Variants in NIBAN2 observed in about 807,000 individuals in gnomAD.
NIBAN2 encodes the protein protein Niban 2.
A neutral mutation model predicts 81.8 loss-of-function variants in NIBAN2; 36 were observed. The observed-to-expected ratio is 0.44, with a 90% CI of 0.34 to 0.58. The LOEUF (loss-of-function observed/expected upper bound fraction) is 0.58. Ranked by LOEUF, NIBAN2 falls within the 20% of genes least tolerant of loss-of-function variation. The pLI is 0.02. For missense variants in NIBAN2, 897 were observed against 1,014.1 expected (o/e 0.88, Z 1.57); for synonymous variants, 445 against 441.6 (o/e 1.01, Z -0.10).
intron 1 of NIBAN2, among the ~76,000 whole-genome samples, chr9:127,549,392 C>T (rs2256953): frequency 0.66 from 100,205 of 151,752 alleles, 34,179 homozygotes; most frequent in East Asian, 0.93. Flanking sequence ...CACATGCACG[C>T]ACACACACTC....
intron 1 of NIBAN2, among the ~76,000 whole-genome samples, chr9:127,576,226 A>G (rs911031770): frequency 1.3e-5 from 2 of 152,090 alleles, no homozygotes; most frequent in Non-Finnish European, 2.9e-5. Flanking sequence ...AGGTTTGTTC[A>G]TAGACCTATA....
chr9:127,574,515 T>G (rs1040468017), intron 1 of NIBAN2, among the ~76,000 whole-genome samples: 2 of 152,058 alleles, frequency 1.3e-5, no homozygotes, highest in Non-Finnish European at 2.9e-5. Context: ...CCCAAGAGCA[T>G]TCCGCAGGAG....
intron 1 of NIBAN2, among the ~76,000 whole-genome samples, chr9:127,546,649 C>T (rs2132215000): frequency 6.6e-6 from 1 of 152,292 alleles, no homozygotes; most frequent in Middle Eastern, 3.4e-3. Context: ...CTCCATCAGC[C>T]AGCGCGGGCC....
chr9:127,520,922 C>CA (rs951559741), intron 5 of NIBAN2, among the ~76,000 whole-genome samples: 37 of 152,124 alleles, frequency 2.4e-4, no homozygotes, highest in African/African-American at 8.7e-4. Context: ...AAGAAAAGTA[C>CA]ATTTCTTCTT....
chr9:127,515,672 A>G (rs2132162602), intron 8 of NIBAN2, among the ~76,000 whole-genome samples: 1 of 151,986 alleles, frequency 6.6e-6, no homozygotes, highest in South Asian at 2.1e-4. Context: ...CCCTGTCTCT[A>G]CTAAAAATAC....
In NIBAN2 at chr9:127,575,336, C is replaced by A. The variant is rs191700024; in HGVS notation, c.16+3586G>T. On this transcript the variant is annotated intron_variant, in intron 1 of 13. Transcript: ENST00000373314. ...CTCAGCCTCCTGGGTTCAAGCAATT[C>A]TCTGCCTCAGACTCTCAAGTAGCTG... Among the ~76,000 whole-genome samples, 572 of 150,308 alleles carry A rather than the reference C, an allele frequency of 3.8e-3. 3 individuals carry two copies. The highest frequency in any genetic ancestry group is 6.0e-3 in the Non-Finnish European group (405 of 67,860).
chr9:127,509,074 C>T lies in NIBAN2; in HGVS notation c.1219G>A (p.Glu407Lys). The T allele has an allele frequency of 6.2e-7, 1 of 1,613,614 alleles. No individual in the cohort carries two copies. The highest frequency in any genetic ancestry group is 8.5e-7 in the Non-Finnish European group (1 of 1,179,922). The change falls in exon 10 of 14, where the codon GAG (glutamate) becomes AAG (lysine). Residue 407 changes from glutamate (E) to lysine (K), a missense_variant. Physicochemically the swap from Glu to Lys is moderately conservative, Grantham distance 56. This residue lies in a region of NIBAN2 where 619 missense variants were observed against 691.0 expected (regional missense o/e 0.90). Coordinates refer to ENST00000373312, the MANE Select transcript of NIBAN2 (RefSeq NM_022833.4). Reference protein sequence around the residue: ...YHPLKMQSCYEKMESLRLDGL... With the variant: ...YHPLKMQSCYKKMESLRLDGL... ...TCCAGTCGCAGCGACTCCATCTTCT[C>T]ATAGCAGCTCTGCATCTTCAGGGGG...
chr9:127,562,936 G>A (rs754074939), intron 1 of NIBAN2, among the ~76,000 whole-genome samples: 3 of 152,192 alleles, frequency 2.0e-5, no homozygotes, highest in Non-Finnish European at 4.4e-5. Context: ...AAAGAAGCAA[G>A]ACACAAACTT....
chr9:127,543,726 G>A (rs1182855700), intron 1 of NIBAN2, among the ~76,000 whole-genome samples: 2 of 152,084 alleles, frequency 1.3e-5, no homozygotes, highest in African/African-American at 2.4e-5. Flanking sequence ...TGGCTGGACC[G>A]CCCTTCCCTT....
rs1798843384 is a variant in NIBAN2 at position 127,527,189 on chromosome 9, C to T, written c.315+5G>A. On this transcript the variant is annotated splice_donor_5th_base_variant and intron_variant, in intron 3 of 13. Transcript: ENST00000373312. ...CTCAGTGTGGCGCCCGGGGCCAGGC[C>T]TCACCGCTTTGTTTTCGTAGAGCAC... 6.2e-7 allele frequency: 1 copy of T among 1,612,864 alleles called. No individual in the cohort carries two copies. The highest frequency in any genetic ancestry group is 1.3e-5 in the African/African-American group (1 of 75,010).
chr9:127,564,774 G>A (rs1837829758), intron 1 of NIBAN2, among the ~76,000 whole-genome samples: 1 of 151,782 alleles, frequency 6.6e-6, no homozygotes, highest in Non-Finnish European at 1.5e-5. Flanking sequence ...TCAGGAGGCT[G>A]AGGCAGGAGA....
At chr9:127,561,866 T>G (rs971809435) in intron 1 of NIBAN2, among the ~76,000 whole-genome samples, 2 of 152,260 alleles carry the variant, frequency 1.3e-5, no homozygotes, top group Non-Finnish European at 2.9e-5. Flanking sequence ...AACCTAGGCA[T>G]CTGCCCGGAC....
chr9:127,534,313 G>C (rs1402410162), intron 1 of NIBAN2, among the ~76,000 whole-genome samples: 3 of 152,210 alleles, frequency 2.0e-5, no homozygotes, highest in Non-Finnish European at 1.5e-5. Flanking sequence ...AGGGCACCTG[G>C]CTAGGATGAC....
At chr9:127,555,979 C>A (rs1294473043) in intron 1 of NIBAN2, among the ~76,000 whole-genome samples, 1 of 152,022 alleles carries the variant, frequency 6.6e-6, no homozygotes, top group Non-Finnish European at 1.5e-5. Context: ...AAGCCTGACA[C>A]ACATGGGGTC....
rs1836838439 is a variant in NIBAN2 at position 127,516,838 on chromosome 9, C to CACGGG, written c.973+14_973+18dup. On this transcript the variant is annotated intron_variant, in intron 8 of 13. Coordinates refer to ENST00000373312, the MANE Select transcript of NIBAN2 (RefSeq NM_022833.4). ...CTTGGCCCCTGGAGGGCCCGTCGAGCACGGGGGTGGCTGCCTACCTCGGAT... is the reference window on the plus strand; with the variant it reads ...CTTGGCCCCTGGAGGGCCCGTCGAGCACGGGACGGGGGTGGCTGCCTACCTCGGAT... 2 of 1,604,186 alleles carry CACGGG rather than the reference C, an allele frequency of 1.2e-6. No homozygotes were observed. The highest frequency in any genetic ancestry group is 1.7e-6 in the Non-Finnish European group (2 of 1,171,826).
intron 1 of NIBAN2, among the ~76,000 whole-genome samples, chr9:127,554,496 A>G (rs1564316456): frequency 6.6e-6 from 1 of 151,676 alleles, no homozygotes; most frequent in South Asian, 2.1e-4. Context: ...GACAGGAATC[A>G]AATTGTTCCA....
At chr9:127,511,263 G>A (rs145520430) in intron 8 of NIBAN2, among the ~76,000 whole-genome samples, 1,587 of 152,130 alleles carry the variant, frequency 0.01, 38 homozygotes, top group African/African-American at 0.036. Context: ...GGCCAGGCTG[G>A]TCTCAAACTC....
chr9:127,528,527 C>T (rs754459125), intron 2 of NIBAN2, among the ~76,000 whole-genome samples: 1 of 152,168 alleles, frequency 6.6e-6, no homozygotes. Context: ...CGTCTCTCCA[C>T]CCCCTTCACC....
chr9:127,578,219 G>A (rs140237936), intron 1 of NIBAN2, among the ~76,000 whole-genome samples: 265 of 151,112 alleles, frequency 1.8e-3, no homozygotes, highest in African/African-American at 5.6e-3. Context: ...TTAGCTGGGC[G>A]TAGTGGCCTG....
Sources: gnomAD v4.1 joint callset for allele counts (sites outside exome capture counted in the v4.1 genomes callset) on GRCh38, gnomAD v4.1.1 for gene constraint, gnomAD v4.1.1 regional missense constraint, MANE v1.5 for transcripts, NCBI Gene and HGNC (gene_info 2026-07-23, HGNC 2026-07-21) for gene names.